Variants in LIMCH1 observed in about 807,000 individuals in gnomAD.
The protein encoded by LIMCH1 is LIM and calponin homology domains 1, also known as LIM and calponin homology domains-containing protein 1.
Under a neutral mutation model 176.5 loss-of-function variants are expected in LIMCH1, and 113 were observed. That is an observed-to-expected ratio of 0.64 (90% CI 0.55 to 0.75). The LOEUF (loss-of-function observed/expected upper bound fraction) is 0.75. Ranked by LOEUF, LIMCH1 falls within the 30% of genes least tolerant of loss-of-function variation. The pLI is 0.00. For synonymous variants in LIMCH1, 619 were observed against 645.9 expected (o/e 0.96, Z 0.63); for missense variants, 1,674 against 1,814.9 (o/e 0.92, Z 1.41).
At chr4:41,505,087 T>C (rs1308383960) in intron 2 of LIMCH1, among the ~76,000 whole-genome samples, 1 of 152,230 alleles carries the variant, frequency 6.6e-6, no homozygotes, top group African/African-American at 2.4e-5. Flanking sequence ...TAAAATTCTT[T>C]GTTCAGTGTT....
At chr4:41,454,940 A>G (rs10005555) in intron 1 of LIMCH1, among the ~76,000 whole-genome samples, 3,161 of 131,328 alleles carry the variant, frequency 0.024, 67 homozygotes, top group East Asian at 0.096. Flanking sequence ...GTATGCGTAC[A>G]TGTGTGTGTG....
At chr4:41,367,190 A>G (rs1228457910) in intron 1 of LIMCH1, among the ~76,000 whole-genome samples, 1 of 152,228 alleles carries the variant, frequency 6.6e-6, no homozygotes, top group African/African-American at 2.4e-5. Flanking sequence ...GGGTGGGGAC[A>G]CAGAGCCAAA....
intron 2 of LIMCH1, among the ~76,000 whole-genome samples, chr4:41,600,764 G>C (rs973924784): frequency 3.3e-5 from 5 of 151,900 alleles, no homozygotes; most frequent in African/African-American, 1.2e-4. Context: ...AGCTTGCTCA[G>C]TGCAGATATG....
intron 18 of LIMCH1, among the ~76,000 whole-genome samples, chr4:41,657,184 G>A (rs2094488556): frequency 6.6e-6 from 1 of 152,162 alleles, no homozygotes; most frequent in South Asian, 2.1e-4. Flanking sequence ...TCACGTCCAG[G>A]GATCTGTTTT....
chr4:41,376,075 C>T (rs960666649), intron 1 of LIMCH1, among the ~76,000 whole-genome samples: 8 of 152,290 alleles, frequency 5.3e-5, no homozygotes, highest in Non-Finnish European at 1.0e-4. Context: ...ATTCAACATT[C>T]AAGTCTCCAA....
rs768836271 is a variant in LIMCH1 at position 41,467,156 on chromosome 4, TATACAC to T, written c.97-27378_97-27373del. Among the ~76,000 whole-genome samples, 557 of 100,306 alleles carry T rather than the reference TATACAC, an allele frequency of 5.6e-3. 3 individuals are homozygous for T. Among genetic ancestry groups the T allele is most frequent in the Non-Finnish European group, 7.2e-3 (378 of 52,418 alleles). 65.8% of individuals were successfully genotyped at this position (100,306 alleles called of 152,430 possible). A position where few individuals can be genotyped will look rare whatever the true frequency, so the allele number is the denominator to read the frequency against. On this transcript the variant is annotated intron_variant, in intron 1 of 26. Transcript: ENST00000313860. ...TCCCATATATATATGTGTATGTATA[TATACAC>T]ACACACACACACACACACACACACA... is the stretch of plus-strand genomic sequence containing the variant.
intron 1 of LIMCH1, among the ~76,000 whole-genome samples, chr4:41,406,515 C>A (rs1386150335): frequency 6.6e-6 from 1 of 152,090 alleles, no homozygotes; most frequent in Non-Finnish European, 1.5e-5. Context: ...GCTTCCCCCT[C>A]CCTCCCTCTC....
At position 41,699,703 on chromosome 4, in the gene LIMCH1, C is replaced by G. The variant is rs990269843; in HGVS notation, c.*2518C>G. 6.6e-6 allele frequency: 1 copy of G among 152,078 alleles called. No individual in the cohort carries two copies. Among genetic ancestry groups the G allele is most frequent in the Non-Finnish European group, 1.5e-5 (1 of 68,004 alleles). 9.4% of individuals were successfully genotyped at this position (152,078 alleles called of 1,614,324 possible). On this transcript the variant is annotated 3_prime_UTR_variant, in exon 32 of 32. Coordinates refer to ENST00000503057, the MANE Select transcript of LIMCH1 (RefSeq NM_001330672.2). ...TTTTCTCATACTCCAAAAGCTAGTC[C>G]CTACTCTTTAATAAAAATAATGGGT... is the stretch of plus-strand genomic sequence containing the variant.
rs1011960893 is a variant in LIMCH1, at chr4:41,471,245, G to A, written c.97-23291G>A. 7.9e-5 allele frequency among the ~76,000 whole-genome samples: 12 copies of A among 152,170 alleles called. No homozygotes were observed. The East Asian group carries it at 9.7e-4, about 12-fold the overall frequency. ...AAATATTTTTGTATTAAAAATTATC[G>A]TGCTAGTCACATTGTGGTGAAGTTC... On this transcript the variant is annotated intron_variant, in intron 1 of 26. Coordinates refer to the LIMCH1 transcript ENST00000313860.
At position 41,697,302 on chromosome 4, in the gene LIMCH1, G is replaced by C. The variant is rs1329550339; in HGVS notation, c.*117G>C. ...TCAGCATTTACCTAATTTCTGAAAGGCTCTTCTGAAAGGTGGTATCTGTTC... is the reference window on the plus strand; with the variant it reads ...TCAGCATTTACCTAATTTCTGAAAGCCTCTTCTGAAAGGTGGTATCTGTTC... On this transcript the variant is annotated 3_prime_UTR_variant, in exon 32 of 32. Transcript: ENST00000503057. 1.1e-5 allele frequency: 10 copies of C among 881,314 alleles called. No individual in the cohort carries two copies. The East Asian group carries it at 1.2e-4, about 11-fold the overall frequency. The allele number at this position is 881,314 out of a possible 1,614,324, so 54.6% of individuals were successfully genotyped here. A position where few individuals can be genotyped will look rare whatever the true frequency, so the allele number is the denominator to read the frequency against.
At chr4:41,435,425 A>C (rs2061987205) in intron 1 of LIMCH1, among the ~76,000 whole-genome samples, 1 of 152,156 alleles carries the variant, frequency 6.6e-6, no homozygotes, top group South Asian at 2.1e-4. Flanking sequence ...CTGGACATTA[A>C]ATTTCCTACC....
At chr4:41,639,807 T>A (rs990280854) in intron 14 of LIMCH1, among the ~76,000 whole-genome samples, 5 of 152,216 alleles carry the variant, frequency 3.3e-5, no homozygotes, top group Non-Finnish European at 7.3e-5. Context: ...ATCAGTAGTC[T>A]GCTGATCCTG....
At chr4:41,480,828 G>C (rs1406092837) in intron 1 of LIMCH1, among the ~76,000 whole-genome samples, 1 of 152,188 alleles carries the variant, frequency 6.6e-6, no homozygotes, top group Non-Finnish European at 1.5e-5. Context: ...AGTGTTGTCT[G>C]TCTTTCTGTG....
chr4:41,649,254 A>G (rs1053344700), intron 17 of LIMCH1, among the ~76,000 whole-genome samples: 1 of 151,926 alleles, frequency 6.6e-6, no homozygotes, highest in South Asian at 2.1e-4. Flanking sequence ...ACAAAAATTA[A>G]CCAGCCATGT....
chr4:41,474,646 T>C (rs1020124289), intron 1 of LIMCH1, among the ~76,000 whole-genome samples: 1 of 152,144 alleles, frequency 6.6e-6, no homozygotes, highest in African/African-American at 2.4e-5. Flanking sequence ...ACCTGTTAGA[T>C]TGGCTATTAT....
chr4:41,624,117 G>A (rs150334886), intron 7 of LIMCH1, among the ~76,000 whole-genome samples: 3 of 152,118 alleles, frequency 2.0e-5, no homozygotes, highest in Admixed American at 6.5e-5. Flanking sequence ...GGAGATTTGA[G>A]TTCTTTTACT....
At chr4:41,406,050 A>G (rs1280234754) in intron 1 of LIMCH1, among the ~76,000 whole-genome samples, 1 of 152,190 alleles carries the variant, frequency 6.6e-6, no homozygotes, top group Non-Finnish European at 1.5e-5. Flanking sequence ...CTGAGATGAA[A>G]AAAACACACA....
Position 41,626,758 on chromosome 4 carries a change from G to C in LIMCH1, c.776G>C (p.Arg259Pro). Residue 259 changes from arginine to proline, a missense_variant, in exon 8 of 32, where the codon CGC becomes CCC. Arg to Pro is a moderately radical substitution (Grantham distance 103). Coordinates refer to ENST00000503057, the MANE Select transcript of LIMCH1 (RefSeq NM_001330672.2). ...GAAGCTATTCGTGATATTGTCCTTC[G>C]CAAAGAAAACTCTTTCCTGACCCAC... Reference protein sequence around the residue: ...EKEAIRDIVLRKENSFLTHQH... With the variant: ...EKEAIRDIVLPKENSFLTHQH... 6.5e-7 allele frequency: 1 copy of C among 1,536,284 alleles called. No homozygotes were observed. The highest frequency in any genetic ancestry group is 8.7e-7 in the Non-Finnish European group (1 of 1,146,942).
At chr4:41,513,672 G>A (rs972513080) in intron 2 of LIMCH1, among the ~76,000 whole-genome samples, 1 of 152,128 alleles carries the variant, frequency 6.6e-6, no homozygotes, top group Non-Finnish European at 1.5e-5. Context: ...GTGGTTGCTT[G>A]AATCCAACTT....
Sources: allele counts gnomAD v4.1 joint callset (sites outside exome capture counted in the v4.1 genomes callset), GRCh38; gene constraint gnomAD v4.1.1; transcripts MANE v1.5; gene names NCBI Gene and HGNC (gene_info 2026-07-23, HGNC 2026-07-21).